The following ZNF799 variants were observed in gnomAD, a reference collection of about 807,000 sequenced individuals.
The protein encoded by ZNF799 is zinc finger protein 799, also known as zinc finger protein 14.
In ZNF799, 28 loss-of-function variants were observed where a neutral mutation model predicts 41.0. The ratio of observed to expected loss-of-function variants is 0.68; its 90% CI spans 0.51 to 0.94. The LOEUF (loss-of-function observed/expected upper bound fraction) is 0.94. Ranked by LOEUF, ZNF799 falls within the 40% of genes least tolerant of loss-of-function variation. The pLI is 0.00. For synonymous variants in ZNF799, 213 were observed against 252.9 expected (o/e 0.84, Z 1.50); for missense variants, 716 against 764.3 (o/e 0.94, Z 0.74).
At chr19:12,396,869 TA>T (rs1177190572) in intron 1 of ZNF799, among the ~76,000 whole-genome samples, 1 of 151,910 alleles carries the variant, frequency 6.6e-6, no homozygotes, top group African/African-American at 2.4e-5. Flanking sequence ...CCAATAATGT[TA>T]AAAGAAGTTC....
Position 12,390,457 on chromosome 19 carries a change from G to A in ZNF799, c.*9C>T. On this transcript the variant is annotated 3_prime_UTR_variant, in exon 4 of 4. Coordinates refer to ENST00000430385, the MANE Select transcript of ZNF799 (RefSeq NM_001080821.3). ...TGCTTTCCCACATTCCATACATTTA[G>A]AGAGAATGCTAGTGAGTCTTTTTAT... 6.2e-7 allele frequency: 1 copy of A among 1,611,982 alleles called. No homozygotes were observed. Among genetic ancestry groups the A allele is most frequent in the Non-Finnish European group, 8.5e-7 (1 of 1,179,318 alleles).
chr19:12,391,895 G>C lies in ZNF799; in HGVS notation c.503C>G (p.Pro168Arg). 1 of 1,614,178 alleles carries C rather than the reference G, an allele frequency of 6.2e-7. No homozygotes were observed. Among genetic ancestry groups the C allele is most frequent in the Non-Finnish European group, 8.5e-7 (1 of 1,180,028 alleles). ...THERLHTGKK[P>R]YNCKECGKSF... ...CTTCCCACATTCTTTACAATTATAT[G>C]GTTTCTTTCCAGTGTGAAGCCTCTC... The change falls in exon 4 of 4, where the codon CCA (proline) becomes CGA (arginine). Residue 168 changes from proline (P) to arginine (R), a missense_variant. Transcript: ENST00000430385.
At chr19:12,412,064 T>A in the ZNF799 span, among the ~76,000 whole-genome samples, 2 of 152,146 alleles carry the variant, frequency 1.3e-5, no homozygotes, top group Admixed American at 6.5e-5. Flanking sequence ...TGTCACCATG[T>A]CCCTATGGGA....
At chr19:12,408,272 A>G in the ZNF799 span, among the ~76,000 whole-genome samples, 1 of 152,212 alleles carries the variant, frequency 6.6e-6, no homozygotes, top group Non-Finnish European at 1.5e-5. Context: ...ATAGTAATAG[A>G]TTTACTATAC....
intron 3 of ZNF799, 25 bp downstream of exon 3, chr19:12,392,578 T>G (rs1568502058): frequency 1.3e-6 from 2 of 1,558,648 alleles, no homozygotes; most frequent in African/African-American, 2.7e-5. Flanking sequence ...CAGGGACATA[T>G]CTTTCTCTTG....
In ZNF799 at chr19:12,391,475, G is replaced by A; in HGVS notation, c.923C>T (p.Pro308Leu). ...RHETTHTDEK[P>L]YACQQCGKAF... ...TTTCCCACATTGCTGACATGCATAG[G>A]GTTTCTCATCAGTGTGAGTTGTTTC... is the stretch of plus-strand genomic sequence containing the variant. Residue 308 changes from proline (P) to leucine (L), a missense_variant, in exon 4 of 4, where the codon CCC (proline) becomes CTC (leucine). By Grantham distance (98) the Pro-to-Leu change is moderately conservative. Around this residue, in one of 2 missense-constraint regions of ZNF799, gnomAD observed 698 missense variants for 713.6 expected, o/e 0.98. Coordinates refer to ENST00000430385, the MANE Select transcript of ZNF799 (RefSeq NM_001080821.3). 1 of 1,614,074 alleles carries A rather than the reference G, an allele frequency of 6.2e-7. No individual in the cohort carries two copies. The highest frequency in any genetic ancestry group is 8.5e-7 in the Non-Finnish European group (1 of 1,179,972).
In ZNF799 at chr19:12,390,770, C is replaced by A. The variant is rs1248668593; in HGVS notation, c.1628G>T (p.Trp543Leu). ...ECKECGKAFS[W>L]LTCFLRHERI... ...TTCATGTCGTAGAAAGCAAGTGAGC[C>A]AAGAGAATGCTTTCCCACATTCCTT... Residue 543 changes from tryptophan to leucine, a missense_variant, in exon 4 of 4, where the codon TGG becomes TTG. Trp to Leu is a moderately conservative substitution (Grantham distance 61). Coordinates refer to ENST00000430385, the MANE Select transcript of ZNF799 (RefSeq NM_001080821.3). The A allele has an allele frequency of 5.6e-6, 9 of 1,612,714 alleles. No individual in the cohort carries two copies. The highest frequency in any genetic ancestry group is 7.6e-6 in the Non-Finnish European group (9 of 1,179,630).
the ZNF799 span, among the ~76,000 whole-genome samples, chr19:12,414,249 T>C: frequency 0.011 from 1,684 of 152,240 alleles, 35 homozygotes; most frequent in African/African-American, 0.039. Context: ...TATCTCTTGG[T>C]GCTGAGTGGA....
At position 12,390,735 on chromosome 19, in the gene ZNF799, T is replaced by C. The variant is rs750696622; in HGVS notation, c.1663A>G (p.Met555Val). 8.1e-6 allele frequency: 13 copies of C among 1,613,566 alleles called. No homozygotes were observed. In the East Asian group the frequency reaches 1.3e-4, roughly 17 times the overall value. ...TGACACTCATAGGGTTTCTCTCTCA[T>C]GTGAATTCTTTCATGTCGTAGAAAG... ...TCFLRHERIH[M>V]REKPYECQQC... The change falls in exon 4 of 4, where the codon ATG becomes GTG. Residue 555 changes from methionine (M) to valine (V), a missense_variant. This residue lies in a region of ZNF799 where 698 missense variants were observed against 713.6 expected (regional missense o/e 0.98). Transcript: ENST00000430385.
chr19:12,408,557 A>G, the ZNF799 span, among the ~76,000 whole-genome samples: 1 of 152,252 alleles, frequency 6.6e-6, no homozygotes, highest in Non-Finnish European at 1.5e-5. Context: ...CAATGGTATA[A>G]AGAAATATAT....
chr19:12,391,139 G>C lies in ZNF799; in HGVS notation c.1259C>G (p.Pro420Arg). ...RHEKTHTAEK[P>R]YKCKQCGKAY... ...TTTGCCACATTGTTTACATTTATAG[G>C]GTTTCTCTGCAGTGTGAGTCTTTTC... Residue 420 changes from proline to arginine, a missense_variant, in exon 4 of 4, where the codon CCC becomes CGC. Physicochemically the swap from Pro to Arg is moderately radical, Grantham distance 103. This residue lies in a region of ZNF799 where 698 missense variants were observed against 713.6 expected (regional missense o/e 0.98). Coordinates refer to ENST00000430385, the MANE Select transcript of ZNF799 (RefSeq NM_001080821.3). 1 of 1,614,122 alleles carries C rather than the reference G, an allele frequency of 6.2e-7. No individual in the cohort carries two copies. The highest frequency in any genetic ancestry group is 8.5e-7 in the Non-Finnish European group (1 of 1,180,004).
chr19:12,410,364 G>A, the ZNF799 span, among the ~76,000 whole-genome samples: 2 of 149,274 alleles, frequency 1.3e-5, no homozygotes, highest in Non-Finnish European at 3.0e-5. Flanking sequence ...AAATTCCTGG[G>A]CTCAAGTGAT....
At chr19:12,405,474 A>G (rs1216893802), upstream of ZNF799, among the ~76,000 whole-genome samples, 1 of 152,214 alleles carries the variant, frequency 6.6e-6, no homozygotes, top group East Asian at 1.9e-4. Context: ...CAGAAAATAA[A>G]TGCTAAAGTA....
At position 12,391,988 on chromosome 19, in the gene ZNF799, C is replaced by A. The variant is rs1418643832; in HGVS notation, c.410G>T (p.Gly137Val). ...TTGTTTATGCGTATCTGGCTTCTCT[C>A]CACATTCATGATACTCATATGGTTT... ...GHKPYEYHEC[G>V]EKPDTHKQRG... The change falls in exon 4 of 4, where the codon GGA becomes GTA. Residue 137 changes from glycine (G) to valine (V), a missense_variant. Physicochemically the swap from Gly to Val is moderately radical, Grantham distance 109. Coordinates refer to ENST00000430385, the MANE Select transcript of ZNF799 (RefSeq NM_001080821.3). 1 of 1,614,062 alleles carries A rather than the reference C, an allele frequency of 6.2e-7. No homozygotes were observed. Among genetic ancestry groups the A allele is most frequent in the Non-Finnish European group, 8.5e-7 (1 of 1,180,032 alleles).
At chr19:12,409,581 C>T in the ZNF799 span, among the ~76,000 whole-genome samples, 5 of 152,212 alleles carry the variant, frequency 3.3e-5, no homozygotes, top group Admixed American at 2.0e-4. Context: ...ATACTTCACT[C>T]AACACCAGAG....
At chr19:12,396,658 A>G (rs533729482) in intron 1 of ZNF799, among the ~76,000 whole-genome samples, 4 of 152,226 alleles carry the variant, frequency 2.6e-5, no homozygotes, top group South Asian at 4.1e-4. Flanking sequence ...TCAAAAAAAA[A>G]GGGGTAGAAA....
intron 1 of ZNF799, among the ~76,000 whole-genome samples, chr19:12,395,938 C>T (rs932649035): frequency 9.2e-5 from 14 of 152,206 alleles, no homozygotes; most frequent in Non-Finnish European, 1.8e-4. Context: ...ACTGGATGAA[C>T]ACACACTAAA....
At chr19:12,393,944 T>C (rs1046651029) in intron 1 of ZNF799, 7 of 176,880 alleles carry the variant, frequency 4.0e-5, no homozygotes, top group Admixed American at 6.0e-5. Context: ...CTTAACCCCA[T>C]CTTCCTTCTG....
the ZNF799 span, among the ~76,000 whole-genome samples, chr19:12,410,150 AAAAC>A: frequency 6.5e-4 from 95 of 146,748 alleles, no homozygotes; most frequent in Non-Finnish European, 1.2e-3. Context: ...TGTGTCTCAA[AAAAC>A]AAACAAACAA....
Sources: gnomAD v4.1 joint callset for allele counts (sites outside exome capture counted in the v4.1 genomes callset) on GRCh38, gnomAD v4.1.1 for gene constraint, gnomAD v4.1.1 regional missense constraint, MANE v1.5 for transcripts, NCBI Gene and HGNC (gene_info 2026-07-23, HGNC 2026-07-21) for gene names.